FHIT: variants seen among roughly 807,000 people sequenced by gnomAD.
FHIT encodes the protein bis(5'-adenosyl)-triphosphatase.
In FHIT, 19 loss-of-function variants were observed where a neutral mutation model predicts 17.9. That is an observed-to-expected ratio of 1.06 (90% CI 0.74 to 1.56). The LOEUF (loss-of-function observed/expected upper bound fraction) is 1.56. Among genes scored for constraint, FHIT ranks in the 40% most tolerant of loss-of-function variants. FHIT has a pLI of 0.00. For synonymous variants in FHIT, 81 were observed against 69.7 expected (o/e 1.16, Z -0.81); for missense variants, 248 against 189.2 (o/e 1.31, Z -1.82).
At chr3:60,576,980 A>ACACACACACACAC (rs2037590028) in intron 4 of FHIT, among the ~76,000 whole-genome samples, 1 of 151,078 alleles carries the variant, frequency 6.6e-6, no homozygotes, top group African/African-American at 2.4e-5. Context: ...ACACACACAC[A>ACACACACACACAC]GGTCTCATCC....
At chr3:60,038,998 G>A (rs890963767) in intron 5 of FHIT, among the ~76,000 whole-genome samples, 3 of 152,156 alleles carry the variant, frequency 2.0e-5, no homozygotes, top group Admixed American at 1.3e-4. Flanking sequence ...CAGTCAGAAG[G>A]TCTGGCTCTG....
At chr3:60,574,669 C>T (rs2037506669) in intron 4 of FHIT, among the ~76,000 whole-genome samples, 1 of 152,090 alleles carries the variant, frequency 6.6e-6, no homozygotes, top group African/African-American at 2.4e-5. Context: ...CAACGTAACA[C>T]TTTGAAACAA....
chr3:60,394,015 A>G (rs1212693104), intron 5 of FHIT, among the ~76,000 whole-genome samples: 1 of 152,194 alleles, frequency 6.6e-6, no homozygotes, highest in Non-Finnish European at 1.5e-5. Context: ...TGGACGGGAA[A>G]GAAAATGAGT....
intron 2 of FHIT, among the ~76,000 whole-genome samples, chr3:61,069,248 G>A (rs2034718137): frequency 6.6e-6 from 1 of 152,158 alleles, no homozygotes; most frequent in South Asian, 2.1e-4. Flanking sequence ...CTTGAGTAAA[G>A]GTTGCTCCAC....
chr3:60,716,279 A>T (rs1282437133), intron 4 of FHIT, among the ~76,000 whole-genome samples: 2 of 152,228 alleles, frequency 1.3e-5, no homozygotes, highest in East Asian at 3.9e-4. Flanking sequence ...ACACACACAC[A>T]TGCAAAAAAC....
chr3:60,169,504 A>G (rs1422537969), intron 5 of FHIT, among the ~76,000 whole-genome samples: 2 of 152,236 alleles, frequency 1.3e-5, no homozygotes, highest in Non-Finnish European at 2.9e-5. Flanking sequence ...GTTGTTTTAA[A>G]CTGACAAATT....
chr3:59,794,363 G>T (rs749815543), intron 8 of FHIT, among the ~76,000 whole-genome samples: 1 of 152,206 alleles, frequency 6.6e-6, no homozygotes, highest in Non-Finnish European at 1.5e-5. Context: ...ATACTCGCAT[G>T]TTATTAACAA....
chr3:60,080,468 C>A (rs775613604), intron 5 of FHIT, among the ~76,000 whole-genome samples: 7 of 152,134 alleles, frequency 4.6e-5, no homozygotes, highest in Non-Finnish European at 1.0e-4. Context: ...TACTTAGCTG[C>A]AAGTAAATTT....
At chr3:60,144,954 C>T (rs946627234) in intron 5 of FHIT, among the ~76,000 whole-genome samples, 4 of 152,018 alleles carry the variant, frequency 2.6e-5, no homozygotes, top group Non-Finnish European at 4.4e-5. Flanking sequence ...AAATAAAGGG[C>T]GTGTGATGCA....
intron 5 of FHIT, among the ~76,000 whole-genome samples, chr3:60,118,539 G>C (rs1418954141): frequency 1.3e-5 from 2 of 152,016 alleles, no homozygotes; most frequent in African/African-American, 4.8e-5. Flanking sequence ...ACTGTCAGGA[G>C]CTTCCTACAG....
intron 8 of FHIT, among the ~76,000 whole-genome samples, chr3:59,859,912 T>C (rs1003589626): frequency 1.3e-5 from 2 of 152,274 alleles, no homozygotes; most frequent in Middle Eastern, 3.4e-3. Context: ...TGATTCCTGA[T>C]TGGAAGTGTT....
intron 2 of FHIT, among the ~76,000 whole-genome samples, chr3:61,083,822 A>G (rs527450436): frequency 1.3e-5 from 2 of 152,288 alleles, no homozygotes; most frequent in South Asian, 4.1e-4. Flanking sequence ...TCCATGTTGC[A>G]GCATATATGA....
At chr3:60,524,451 G>A (rs781356396) in intron 5 of FHIT, among the ~76,000 whole-genome samples, 47 of 152,238 alleles carry the variant, frequency 3.1e-4, no homozygotes, top group Middle Eastern at 3.4e-3. Context: ...TGGTTCAAGG[G>A]CTATGAGGCA....
intron 4 of FHIT, among the ~76,000 whole-genome samples, chr3:60,641,638 C>T (rs1454273521): frequency 6.6e-6 from 1 of 152,052 alleles, no homozygotes; most frequent in Non-Finnish European, 1.5e-5. Flanking sequence ...ACTTTGGGCC[C>T]AAAGAGAGGA....
intron 4 of FHIT, among the ~76,000 whole-genome samples, chr3:60,656,389 G>GT (rs2040116131): frequency 1.3e-5 from 2 of 152,084 alleles, no homozygotes; most frequent in South Asian, 4.1e-4. Context: ...ATTACTGGGG[G>GT]CAAGATTTGT....
intron 4 of FHIT, among the ~76,000 whole-genome samples, chr3:60,755,469 A>T (rs567913693): frequency 2.5e-4 from 38 of 152,186 alleles, no homozygotes; most frequent in African/African-American, 8.9e-4. Flanking sequence ...GATGACAATG[A>T]CTCTGTGATC....
intron 8 of FHIT, among the ~76,000 whole-genome samples, chr3:59,785,692 G>A (rs919598251): frequency 2.0e-5 from 3 of 152,180 alleles, no homozygotes; most frequent in African/African-American, 7.2e-5. Flanking sequence ...AATAGTAGTA[G>A]CAGTAGTTTC....
chr3:59,928,510 T>G (rs1270125019), intron 7 of FHIT, among the ~76,000 whole-genome samples: 1 of 152,064 alleles, frequency 6.6e-6, no homozygotes, highest in Non-Finnish European at 1.5e-5. Flanking sequence ...GGGAAGTATA[T>G]CTAAAATACA....
At chr3:60,999,973 T>C (rs2030953451) in intron 3 of FHIT, among the ~76,000 whole-genome samples, 1 of 152,070 alleles carries the variant, frequency 6.6e-6, no homozygotes, top group Non-Finnish European at 1.5e-5. Context: ...GCCTCTTTTG[T>C]ATAGGCACTA....
Sources: allele counts gnomAD v4.1 joint callset (sites outside exome capture counted in the v4.1 genomes callset), GRCh38; gene constraint gnomAD v4.1.1; transcripts MANE v1.5; gene names NCBI Gene and HGNC (gene_info 2026-07-23, HGNC 2026-07-21).